The following MNAT1 variants were observed in gnomAD, a reference collection of about 807,000 sequenced individuals.
MNAT1 encodes the protein MNAT1 component of CDK activating kinase, also known as CDK-activating kinase assembly factor MAT1.
A neutral mutation model predicts 42.0 loss-of-function variants in MNAT1; 43 were observed. The observed-to-expected ratio is 1.02, with a 90% CI of 0.80 to 1.32. The LOEUF (loss-of-function observed/expected upper bound fraction) is 1.32, where lower values mean the gene tolerates loss of function less well. Among genes scored for constraint, MNAT1 ranks in the 40% most tolerant of loss-of-function variants. The pLI, the probability that MNAT1 is intolerant of heterozygous loss-of-function variation, is 0.00. For synonymous variants in MNAT1, 118 were observed against 120.0 expected (o/e 0.98, Z 0.11); for missense variants, 306 against 350.4 (o/e 0.87, Z 1.01).
Position 60,807,986 on chromosome 14 carries a change from C to G in MNAT1, c.317-339C>G, listed in dbSNP as rs866815819. Among the ~76,000 whole-genome samples the G allele has an allele frequency of 1.4e-4, 21 of 151,932 alleles. 1 individual carries two copies. In the Middle Eastern group the frequency reaches 0.024, roughly 172 times the overall value. The stretch of plus-strand genomic sequence containing the variant: ...TCTTGTAGTAGATTCCAGACTTACT[C>G]TTTATATTAAAAAAATTTAAACAAT... On this transcript the variant is annotated intron_variant, in intron 3 of 7. Transcript: ENST00000261245.
At chr14:60,822,282 G>A (rs2032911407) in intron 6 of MNAT1, among the ~76,000 whole-genome samples, 1 of 152,120 alleles carries the variant, frequency 6.6e-6, no homozygotes, top group East Asian at 1.9e-4. Context: ...AGATGTAAAA[G>A]TTTTTGAAGA....
chr14:60,746,921 TATACACACACACAC>T (rs1273958803), intron 1 of MNAT1, among the ~76,000 whole-genome samples: 2 of 41,598 alleles, frequency 4.8e-5, no homozygotes, highest in African/African-American at 2.3e-4. Context: ...TATATATATA[TATACACACACACAC>T]ACACACACAC....
intron 7 of MNAT1, among the ~76,000 whole-genome samples, chr14:60,906,725 G>A (rs1460382955): frequency 6.6e-6 from 1 of 152,148 alleles, no homozygotes; most frequent in Non-Finnish European, 1.5e-5. Flanking sequence ...CTGAATAAAA[G>A]TCTTTTTAAA....
chr14:60,900,048 A>ATCTCTCTC (rs61149455), intron 7 of MNAT1, among the ~76,000 whole-genome samples: 14,608 of 136,144 alleles, frequency 0.11, 904 homozygotes, highest in East Asian at 0.14. Context: ...CTGTTTCCCC[A>ATCTCTCTC]TCTCTCTCTC....
chr14:60,843,648 G>A (rs899931369), intron 6 of MNAT1, among the ~76,000 whole-genome samples: 22 of 152,064 alleles, frequency 1.4e-4, no homozygotes, highest in Non-Finnish European at 4.4e-5. Context: ...AGTTGTTTGT[G>A]CTTTTACTAT....
At chr14:60,852,374 G>A (rs2139419256) in intron 6 of MNAT1, among the ~76,000 whole-genome samples, 1 of 151,778 alleles carries the variant, frequency 6.6e-6, no homozygotes, top group African/African-American at 2.4e-5. Flanking sequence ...TTTTTGATGG[G>A]GTTTTTTTTG....
At chr14:60,912,286 G>GTGTCTC (rs2035389180) in intron 7 of MNAT1, among the ~76,000 whole-genome samples, 5 of 151,688 alleles carry the variant, frequency 3.3e-5, no homozygotes, top group African/African-American at 1.2e-4. Context: ...GTTTGCCAGT[G>GTGTCTC]TGTGTCTTTT....
At chr14:60,735,025 C>A (rs1191220808) in intron 1 of MNAT1, 74 bp downstream of exon 1, 5 of 1,424,736 alleles carry the variant, frequency 3.5e-6, no homozygotes, top group Non-Finnish European at 5.0e-6. Context: ...AGATGCTAGG[C>A]CTCGTCTTGG....
At chr14:60,806,599 G>A (rs539955917) in intron 3 of MNAT1, among the ~76,000 whole-genome samples, 3 of 152,324 alleles carry the variant, frequency 2.0e-5, no homozygotes, top group African/African-American at 7.2e-5. Context: ...GGAGGCCAAC[G>A]CGGGTGGATC....
chr14:60,912,537 C>T (rs1250787597), intron 7 of MNAT1, among the ~76,000 whole-genome samples: 1 of 152,152 alleles, frequency 6.6e-6, no homozygotes, highest in Non-Finnish European at 1.5e-5. Flanking sequence ...AATCTCTCAG[C>T]ATTTGCTTGT....
Position 60,910,050 on chromosome 14 carries a change from A to G in MNAT1, c.809+30215A>G, listed in dbSNP as rs796823141. Among the ~76,000 whole-genome samples the G allele has an allele frequency of 2.9e-4, 44 of 152,228 alleles. 1 individual carries two copies. The South Asian group carries it at 7.5e-3, about 26-fold the overall frequency. On this transcript the variant is annotated intron_variant, in intron 7 of 7. Transcript: ENST00000261245. Reference sequence around the variant, plus strand: ...GAAGAAGTCCTTCACATCCCTTGTAAGTTGGATTCCTAGGTATTTTATTCT... The same window carrying G: ...GAAGAAGTCCTTCACATCCCTTGTAGGTTGGATTCCTAGGTATTTTATTCT...
intron 1 of MNAT1, among the ~76,000 whole-genome samples, chr14:60,771,031 T>G (rs2031033389): frequency 6.6e-6 from 1 of 152,222 alleles, no homozygotes; most frequent in Non-Finnish European, 1.5e-5. Flanking sequence ...CTGGTGTATA[T>G]GAGTTATGGT....
chr14:60,947,387 G>A (rs1458758711), intron 7 of MNAT1, among the ~76,000 whole-genome samples: 1 of 151,960 alleles, frequency 6.6e-6, no homozygotes, highest in Non-Finnish European at 1.5e-5. Flanking sequence ...AGTTTAAAAG[G>A]TACAATAATT....
At chr14:60,832,512 C>A (rs1464598644) in intron 6 of MNAT1, among the ~76,000 whole-genome samples, 1 of 151,914 alleles carries the variant, frequency 6.6e-6, no homozygotes, top group Non-Finnish European at 1.5e-5. Flanking sequence ...ATTTTTGAGG[C>A]CTCTTTTATG....
intron 6 of MNAT1, among the ~76,000 whole-genome samples, chr14:60,830,356 ATTCACT>A (rs2033179445): frequency 1.3e-5 from 2 of 152,222 alleles, no homozygotes; most frequent in South Asian, 4.1e-4. Flanking sequence ...AGATACATAG[ATTCACT>A]TTGATGTGTT....
chr14:60,851,262 G>T (rs546580977), intron 6 of MNAT1, among the ~76,000 whole-genome samples: 2 of 152,162 alleles, frequency 1.3e-5, no homozygotes, highest in Non-Finnish European at 2.9e-5. Context: ...AGCTGCTTAA[G>T]TACTTATGAA....
chr14:60,957,158 A>C (rs2036501315), intron 7 of MNAT1, among the ~76,000 whole-genome samples: 1 of 151,864 alleles, frequency 6.6e-6, no homozygotes, highest in Non-Finnish European at 1.5e-5. Context: ...TCTTTTGTGT[A>C]TCTACTGTAG....
intron 1 of MNAT1, among the ~76,000 whole-genome samples, chr14:60,782,385 T>C (rs755226576): frequency 5.9e-5 from 9 of 152,212 alleles, no homozygotes; most frequent in Non-Finnish European, 1.2e-4. Context: ...TATTGTTCCA[T>C]GTATACACTG....
intron 1 of MNAT1, chr14:60,779,999 G>A: frequency 6.4e-7 from 1 of 1,565,458 alleles, no homozygotes. Context: ...GCTCTCCCGG[G>A]AGCAGGGAAT....
Sources: allele counts gnomAD v4.1 joint callset (sites outside exome capture counted in the v4.1 genomes callset), GRCh38; gene constraint gnomAD v4.1.1; transcripts MANE v1.5; gene names NCBI Gene and HGNC (gene_info 2026-07-23, HGNC 2026-07-21).